Variants in ARHGAP24 observed in about 807,000 individuals in gnomAD.
ARHGAP24 encodes rho GTPase-activating protein 24.
In ARHGAP24, 50 loss-of-function variants were observed where a neutral mutation model predicts 76.4. That is an observed-to-expected ratio of 0.65 (90% CI 0.52 to 0.83). The LOEUF is 0.83. ARHGAP24 is among the 40% of genes least tolerant of loss of function. The pLI is 0.00. For synonymous variants in ARHGAP24, 345 were observed against 323.3 expected, an observed-to-expected ratio of 1.07 and a Z score of -0.72; for missense variants, 930 against 914.2, an observed-to-expected ratio of 1.02 and a Z score of -0.22.
chr4:85,688,689 T>C (rs1316490522), intron 2 of ARHGAP24, among the ~76,000 whole-genome samples: 1 of 152,222 alleles, frequency 6.6e-6, no homozygotes, highest in African/African-American at 2.4e-5. Context: ...AGGTTTTCTT[T>C]TAGGATTTTT....
intron 2 of ARHGAP24, among the ~76,000 whole-genome samples, chr4:85,638,006 T>C (rs1721388247): frequency 6.6e-6 from 1 of 152,062 alleles, no homozygotes; most frequent in African/African-American, 2.4e-5. Flanking sequence ...CCACAAACCA[T>C]CTCAGTCATA....
At chr4:85,669,092 G>A (rs34837792) in intron 2 of ARHGAP24, among the ~76,000 whole-genome samples, 40,239 of 151,916 alleles carry the variant, frequency 0.26, 7,459 homozygotes, top group East Asian at 0.84. Context: ...AGTATCTTTG[G>A]GGTCTCAGCT....
chr4:85,530,853 G>T (rs189628264), intron 1 of ARHGAP24, among the ~76,000 whole-genome samples: 20 of 152,090 alleles, frequency 1.3e-4, no homozygotes, highest in African/African-American at 4.8e-4. Flanking sequence ...ATATTTTGTT[G>T]AAAGAAATAA....
At chr4:85,644,839 G>C (rs530830687) in intron 2 of ARHGAP24, among the ~76,000 whole-genome samples, 2 of 152,014 alleles carry the variant, frequency 1.3e-5, no homozygotes, top group Non-Finnish European at 2.9e-5. Flanking sequence ...ATTATATATA[G>C]ATGTTGCAAG....
intron 8 of ARHGAP24, among the ~76,000 whole-genome samples, chr4:85,986,105 T>C (rs1443553005): frequency 6.6e-6 from 1 of 152,218 alleles, no homozygotes; most frequent in Non-Finnish European, 1.5e-5. Context: ...GAGACTGCTT[T>C]ATTTTTTAAA....
intron 2 of ARHGAP24, among the ~76,000 whole-genome samples, chr4:85,699,122 G>A (rs778251439): frequency 5.9e-5 from 9 of 152,200 alleles, no homozygotes; most frequent in Non-Finnish European, 1.2e-4. Flanking sequence ...ATTTTTGGTT[G>A]CATCCTTGTC....
intron 2 of ARHGAP24, among the ~76,000 whole-genome samples, chr4:85,706,038 T>C (rs1028287452): frequency 6.6e-6 from 1 of 152,132 alleles, no homozygotes; most frequent in Admixed American, 6.6e-5. Context: ...ACAGATATTC[T>C]CAAGAGCCAG....
At chr4:85,974,579 A>G (rs1379258050) in intron 6 of ARHGAP24, among the ~76,000 whole-genome samples, 1 of 152,206 alleles carries the variant, frequency 6.6e-6, no homozygotes, top group Non-Finnish European at 1.5e-5. Flanking sequence ...CTCTTCTTCA[A>G]ATAATTTTAT....
intron 2 of ARHGAP24, among the ~76,000 whole-genome samples, chr4:85,709,858 A>G (rs1406336623): frequency 6.6e-6 from 1 of 152,172 alleles, no homozygotes. Flanking sequence ...GCTCAAAGAA[A>G]TCAGAGTTGA....
chr4:85,758,196 G>C (rs941245004), intron 3 of ARHGAP24, among the ~76,000 whole-genome samples: 2 of 152,186 alleles, frequency 1.3e-5, no homozygotes, highest in South Asian at 4.1e-4. Context: ...TAACCTACTA[G>C]TATAATGAGA....
chr4:85,617,177 C>G (rs183805457), intron 2 of ARHGAP24, among the ~76,000 whole-genome samples: 1 of 146,812 alleles, frequency 6.8e-6, no homozygotes, highest in South Asian at 2.1e-4. Flanking sequence ...TTAAATATAT[C>G]TATAATTCAT....
intron 2 of ARHGAP24, among the ~76,000 whole-genome samples, chr4:85,649,318 T>G (rs1721848288): frequency 6.6e-6 from 1 of 152,120 alleles, no homozygotes; most frequent in Non-Finnish European, 1.5e-5. Flanking sequence ...TTAAAGACAC[T>G]ATTCTATTTA....
chr4:85,817,076 G>A (rs1047764216), intron 3 of ARHGAP24, among the ~76,000 whole-genome samples: 15 of 152,074 alleles, frequency 9.9e-5, no homozygotes, highest in African/African-American at 3.4e-4. Context: ...CCTTTGAGAA[G>A]TGCCTATTCA....
At position 85,621,466 on chromosome 4, in the gene ARHGAP24, T is replaced by A. The variant is rs188734890; in HGVS notation, c.180+50745T>A. ...ACTTTTTAATAACAGCCATTTTGAC[T>A]GATGGGAGATGGTATCTCATTGTTT... On this transcript the variant is annotated intron_variant, in intron 2 of 9. Coordinates refer to ENST00000395184, the MANE Select transcript of ARHGAP24 (RefSeq NM_001025616.3). Among the ~76,000 whole-genome samples the A allele has an allele frequency of 9.2e-5, 14 of 152,284 alleles. 1 individual carries two copies. In the East Asian group the frequency reaches 2.7e-3, roughly 29 times the overall value.
chr4:85,587,321 C>A (rs1461884916), intron 2 of ARHGAP24, among the ~76,000 whole-genome samples: 1 of 152,152 alleles, frequency 6.6e-6, no homozygotes, highest in Non-Finnish European at 1.5e-5. Context: ...ACTGTCTGAA[C>A]AAAAGTTCCC....
At chr4:85,761,454 T>C (rs554687017) in intron 3 of ARHGAP24, among the ~76,000 whole-genome samples, 60 of 152,320 alleles carry the variant, frequency 3.9e-4, no homozygotes, top group Admixed American at 2.4e-3. Context: ...CTTTGGTTTA[T>C]GTGAGTGAAT....
intron 1 of ARHGAP24, among the ~76,000 whole-genome samples, chr4:85,535,730 A>G (rs1356873070): frequency 1.3e-5 from 2 of 152,158 alleles, no homozygotes; most frequent in Non-Finnish European, 2.9e-5. Flanking sequence ...GTTTTGTTGT[A>G]TATAGATGTG....
chr4:85,495,599 G>A (rs1418404133), intron 1 of ARHGAP24, among the ~76,000 whole-genome samples: 7 of 151,842 alleles, frequency 4.6e-5, no homozygotes, highest in Admixed American at 3.9e-4. Flanking sequence ...TGATCCGCCC[G>A]CCTCGGCCGC....
chr4:85,543,050 G>A (rs1725767366), intron 1 of ARHGAP24, among the ~76,000 whole-genome samples: 1 of 152,204 alleles, frequency 6.6e-6, no homozygotes, highest in Non-Finnish European at 1.5e-5. Context: ...GCTGTAGTAA[G>A]TTCCAATAAG....
Sources: allele counts gnomAD v4.1 joint callset (sites outside exome capture counted in the v4.1 genomes callset), GRCh38; gene constraint gnomAD v4.1.1; transcripts MANE v1.5; gene names NCBI Gene and HGNC (gene_info 2026-07-23, HGNC 2026-07-21).